Variants in CTNNA1 observed in about 807,000 individuals in gnomAD.
CTNNA1 encodes catenin alpha 1.
Under a neutral mutation model 98.4 loss-of-function variants are expected in CTNNA1, and 37 were observed. That is an observed-to-expected ratio of 0.38 (90% CI 0.29 to 0.49). The LOEUF (loss-of-function observed/expected upper bound fraction) is 0.49. Among genes scored for constraint, CTNNA1 ranks in the 20% least tolerant of loss-of-function variants. The pLI is 0.95. For synonymous variants in CTNNA1, 404 were observed against 413.2 expected (o/e 0.98, Z 0.27); for missense variants, 761 against 1,147.2 (o/e 0.66, Z 4.86).
intron 7 of CTNNA1, among the ~76,000 whole-genome samples, chr5:138,850,863 C>T (rs912440791): frequency 6.6e-6 from 1 of 152,248 alleles, no homozygotes; most frequent in South Asian, 2.1e-4. Flanking sequence ...AAACAGAAAC[C>T]CTGTCTAATA....
At chr5:138,761,240 AT>A (rs777438580) in intron 1 of CTNNA1, among the ~76,000 whole-genome samples, 4 of 152,002 alleles carry the variant, frequency 2.6e-5, no homozygotes, top group Non-Finnish European at 5.9e-5. Flanking sequence ...CACAACTGTT[AT>A]TTATTTTTTT....
At chr5:138,848,219 T>C (rs1370918856) in intron 7 of CTNNA1, among the ~76,000 whole-genome samples, 1 of 152,276 alleles carries the variant, frequency 6.6e-6, no homozygotes, top group Non-Finnish European at 1.5e-5. Flanking sequence ...CCCAAGTCTA[T>C]GTTTCCTCAA....
intron 3 of CTNNA1, among the ~76,000 whole-genome samples, chr5:138,800,502 G>A (rs1443821364): frequency 6.6e-6 from 1 of 152,098 alleles, no homozygotes; most frequent in Non-Finnish European, 1.5e-5. Flanking sequence ...CCATTAAAAA[G>A]TGCAGCAGAA....
At position 138,874,940 on chromosome 5, in the gene CTNNA1, A is replaced by C; in HGVS notation, c.1063-11272A>C. The C allele has an allele frequency of 1.2e-6, 2 of 1,613,510 alleles. No homozygotes were observed. The highest frequency in any genetic ancestry group is 1.7e-6 in the Non-Finnish European group (2 of 1,179,684). ...TCTGAGCACATTGGAGGCTGCATTC[A>C]GTCGCGGTTGTTAGACTCAACGCAG... On this transcript the variant is annotated intron_variant, in intron 7 of 17. Coordinates refer to ENST00000302763, the MANE Select transcript of CTNNA1 (RefSeq NM_001903.5). The surrounding 1 kb of genome is among the most constrained non-coding windows in gnomAD (Gnocchi z 4.1).
intron 3 of CTNNA1, among the ~76,000 whole-genome samples, chr5:138,793,270 G>A (rs1411266388): frequency 6.6e-6 from 1 of 152,172 alleles, no homozygotes; most frequent in African/African-American, 2.4e-5. Flanking sequence ...TAAACTATAA[G>A]TCTTTAGGGC....
chr5:138,828,015 T>A, intron 7 of CTNNA1: 1 of 283,930 alleles, frequency 3.5e-6, no homozygotes, highest in South Asian at 3.1e-5. Flanking sequence ...TATAAATGTA[T>A]ATGTATGTAT....
intron 7 of CTNNA1, among the ~76,000 whole-genome samples, chr5:138,884,480 A>G (rs1753598992): frequency 6.6e-6 from 1 of 152,222 alleles, no homozygotes; most frequent in South Asian, 2.1e-4. Flanking sequence ...ATTTTCCCCA[A>G]AAGTGACCAA....
chr5:138,780,584 C>T (rs1010003725), intron 1 of CTNNA1, among the ~76,000 whole-genome samples: 1 of 151,744 alleles, frequency 6.6e-6, no homozygotes, highest in Non-Finnish European at 1.5e-5. Flanking sequence ...ATGGCACAAT[C>T]TCGGCTCACT....
At chr5:138,891,559 G>A (rs1017047280) in intron 9 of CTNNA1, among the ~76,000 whole-genome samples, 9 of 152,106 alleles carry the variant, frequency 5.9e-5, no homozygotes, top group East Asian at 1.9e-4. Context: ...TCAGGAGTTC[G>A]AGACCAGCCT....
chr5:138,844,140 T>G (rs1762503399), intron 7 of CTNNA1, among the ~76,000 whole-genome samples: 1 of 152,142 alleles, frequency 6.6e-6, no homozygotes, highest in Non-Finnish European at 1.5e-5. Context: ...CAGAGCATTT[T>G]AAAAATTTAA....
At chr5:138,855,094 A>G (rs1169747690) in intron 7 of CTNNA1, among the ~76,000 whole-genome samples, 1 of 152,228 alleles carries the variant, frequency 6.6e-6, no homozygotes, top group Non-Finnish European at 1.5e-5. Context: ...GCTGGCGTGC[A>G]GTAGCGCGAT....
At chr5:138,924,390 G>T in intron 11 of CTNNA1, 120 bp from the exon 12 acceptor site, 2 of 909,530 alleles carry the variant, frequency 2.2e-6, no homozygotes, top group Non-Finnish European at 1.7e-6. Flanking sequence ...TGAAGTATAT[G>T]TAAAACTTTC....
At chr5:138,892,004 G>A (rs183487737) in intron 9 of CTNNA1, among the ~76,000 whole-genome samples, 1 of 152,194 alleles carries the variant, frequency 6.6e-6, no homozygotes, top group Non-Finnish European at 1.5e-5. Context: ...GCAACTGTTT[G>A]TCTCTTATCT....
intron 3 of CTNNA1, among the ~76,000 whole-genome samples, chr5:138,789,496 C>T (rs759883112): frequency 2.6e-5 from 4 of 152,098 alleles, no homozygotes; most frequent in African/African-American, 7.2e-5. Context: ...CTTGCTCTGT[C>T]GTCCAGGCCG....
intron 14 of CTNNA1, among the ~76,000 whole-genome samples, chr5:138,929,808 C>T (rs1403915299): frequency 6.6e-6 from 1 of 152,170 alleles, no homozygotes; most frequent in Non-Finnish European, 1.5e-5. Flanking sequence ...CAATCAATAG[C>T]ATTTATGTTT....
chr5:138,927,217 A>G (rs145036392), intron 13 of CTNNA1, among the ~76,000 whole-genome samples: 75 of 152,318 alleles, frequency 4.9e-4, no homozygotes, highest in African/African-American at 1.5e-3. Flanking sequence ...CAATCAGATC[A>G]TGTTATCCTC....
chr5:138,795,814 G>A (rs190466581), intron 3 of CTNNA1, among the ~76,000 whole-genome samples: 258 of 151,746 alleles, frequency 1.7e-3, no homozygotes, highest in African/African-American at 5.9e-3. Flanking sequence ...TAAAATGAGC[G>A]TTAATTTTCT....
At chr5:138,909,023 T>G (rs1217744744) in intron 10 of CTNNA1, among the ~76,000 whole-genome samples, 1 of 152,122 alleles carries the variant, frequency 6.6e-6, no homozygotes, top group African/African-American at 2.4e-5. Flanking sequence ...AATATTTTAA[T>G]TTTTAAATTC....
chr5:138,825,373 T>C (rs1396831579), intron 6 of CTNNA1, among the ~76,000 whole-genome samples: 1 of 152,180 alleles, frequency 6.6e-6, no homozygotes, highest in Non-Finnish European at 1.5e-5. Flanking sequence ...AATGATGCGC[T>C]AGGTCTGTCC....
Sources: allele counts gnomAD v4.1 joint callset (sites outside exome capture counted in the v4.1 genomes callset), GRCh38; gene constraint gnomAD v4.1.1; non-coding constraint Gnocchi (gnomAD v3.1); transcripts MANE v1.5; gene names NCBI Gene and HGNC (gene_info 2026-07-23, HGNC 2026-07-21).